Variants in NR3C2 observed in about 807,000 individuals in gnomAD.
NR3C2 encodes the protein nuclear receptor subfamily 3 group C member 2.
NR3C2 carries 15 observed loss-of-function variants against 86.4 expected under a neutral mutation model. That is an observed-to-expected ratio of 0.17 (90% confidence interval 0.12 to 0.27). The LOEUF is 0.27. NR3C2 is among the 10% of genes least tolerant of loss of function. The pLI is 1.00. For synonymous variants in NR3C2, 458 were observed against 450.5 expected, an observed-to-expected ratio of 1.02 and a Z score of -0.21; for missense variants, 960 against 1,195.6, an observed-to-expected ratio of 0.80 and a Z score of 2.91.
intron 8 of NR3C2, among the ~76,000 whole-genome samples, chr4:148,100,283 CAAACAA>C (rs1731477525): frequency 6.6e-6 from 1 of 151,846 alleles, no homozygotes; most frequent in Non-Finnish European, 1.5e-5. Context: ...GAAGTGAAAA[CAAACAA>C]AAACAGAGAA....
Position 148,264,085 on chromosome 4 carries a change from G to A in NR3C2, c.1758-3968C>T, listed in dbSNP as rs139398332. ...ATTTTACAGAAGGTAAATTAATGAG[G>A]CCAAGGTTATCAGTTCAATTCCCAT... On this transcript the variant is annotated intron_variant, in intron 2 of 8. Transcript: ENST00000358102. Among the ~76,000 whole-genome samples the A allele has an allele frequency of 2.0e-5, 3 of 152,230 alleles. No individual in the cohort carries two copies. In the East Asian group the frequency reaches 5.8e-4, roughly 29 times the overall value.
Position 148,200,790 on chromosome 4 carries a change from T to C in NR3C2, c.1898-5928A>G, listed in dbSNP as rs1324841200. Reference sequence around the variant, plus strand: ...GGTAGCTGTTATCGCTGTATTTCTGTGATTATCATTATTACTATTATCATG... The same window carrying C: ...GGTAGCTGTTATCGCTGTATTTCTGCGATTATCATTATTACTATTATCATG... On this transcript the variant is annotated intron_variant, in intron 3 of 8. Transcript: ENST00000358102. 2.0e-5 allele frequency among the ~76,000 whole-genome samples: 3 copies of C among 152,238 alleles called. No homozygotes were observed. The East Asian group carries it at 5.8e-4, about 29-fold the overall frequency.
At chr4:148,136,904 A>G (rs1277464439) in intron 6 of NR3C2, among the ~76,000 whole-genome samples, 2 of 152,168 alleles carry the variant, frequency 1.3e-5, no homozygotes, top group Non-Finnish European at 1.5e-5. Context: ...CAGCTACACT[A>G]TAGAATTCTA....
chr4:148,294,948 T>C (rs1000983874), intron 2 of NR3C2, among the ~76,000 whole-genome samples: 4 of 152,018 alleles, frequency 2.6e-5, no homozygotes, highest in African/African-American at 7.2e-5. Flanking sequence ...GATCACGCCA[T>C]TGCACTCCCA....
intron 2 of NR3C2, among the ~76,000 whole-genome samples, chr4:148,360,903 G>A (rs1258612752): frequency 6.6e-6 from 1 of 152,090 alleles, no homozygotes; most frequent in Non-Finnish European, 1.5e-5. Flanking sequence ...TAAAGTCTGG[G>A]GTTCCACGAT....
chr4:148,109,493 A>T (rs1731954098), intron 8 of NR3C2, among the ~76,000 whole-genome samples: 1 of 152,356 alleles, frequency 6.6e-6, no homozygotes, highest in Admixed American at 6.5e-5. Context: ...AGATCAGTAT[A>T]TAAACATACA....
intron 6 of NR3C2, among the ~76,000 whole-genome samples, chr4:148,144,199 A>G (rs1451716516): frequency 6.6e-6 from 1 of 151,970 alleles, no homozygotes; most frequent in African/African-American, 2.4e-5. Context: ...ATGTCTGGAA[A>G]TGACTTTTTT....
intron 2 of NR3C2, among the ~76,000 whole-genome samples, chr4:148,298,706 C>A (rs1742181744): frequency 1.3e-5 from 2 of 152,218 alleles, no homozygotes; most frequent in African/African-American, 4.8e-5. Flanking sequence ...TTAATTAGCA[C>A]TTGGGCTGAT....
At chr4:148,236,293 T>C (rs1696278919) in intron 3 of NR3C2, among the ~76,000 whole-genome samples, 1 of 152,346 alleles carries the variant, frequency 6.6e-6, no homozygotes, top group Admixed American at 6.5e-5. Flanking sequence ...TATGTTTCTA[T>C]AGGAATTGTT....
At position 148,176,138 on chromosome 4, in the gene NR3C2, G is replaced by A. The variant is rs914419783; in HGVS notation, c.2014+18608C>T. Among the ~76,000 whole-genome samples the A allele has an allele frequency of 4.6e-5, 7 of 152,334 alleles. No individual in the cohort carries two copies. The South Asian group carries it at 1.4e-3, about 32-fold the overall frequency. On this transcript the variant is annotated intron_variant, in intron 4 of 8. Transcript: ENST00000358102. Reference sequence around the variant, plus strand: ...GGAGATGAAAGAAAGTCAGCTGCTAGAAAGAGGTTACCCTACTCTTAGCCT... The same window carrying A: ...GGAGATGAAAGAAAGTCAGCTGCTAAAAAGAGGTTACCCTACTCTTAGCCT...
At chr4:148,381,090 T>C (rs1205112838) in intron 2 of NR3C2, among the ~76,000 whole-genome samples, 2 of 152,056 alleles carry the variant, frequency 1.3e-5, no homozygotes, top group African/African-American at 2.4e-5. Context: ...TAGCCAGGTA[T>C]GGTTGCACAC....
chr4:148,195,150 G>A (rs1215001287), intron 3 of NR3C2, among the ~76,000 whole-genome samples: 2 of 152,114 alleles, frequency 1.3e-5, no homozygotes, highest in African/African-American at 4.8e-5. Flanking sequence ...ATAGGTTCAG[G>A]CAATAGTGCA....
chr4:148,419,095 C>CTTTTTTTTTTTTT (rs33928091), intron 2 of NR3C2, among the ~76,000 whole-genome samples: 1 of 147,668 alleles, frequency 6.8e-6, no homozygotes. Flanking sequence ...GTTGTTTTTC[C>CTTTTTTTTTTTTT]TTTTTTTTTT....
intron 3 of NR3C2, among the ~76,000 whole-genome samples, chr4:148,245,003 C>T (rs887022591): frequency 2.6e-5 from 4 of 151,978 alleles, no homozygotes; most frequent in African/African-American, 9.7e-5. Flanking sequence ...TTTTTTCTCA[C>T]CAGGATTCGA....
At chr4:148,265,160 A>G (rs996876690) in intron 2 of NR3C2, among the ~76,000 whole-genome samples, 1 of 152,224 alleles carries the variant, frequency 6.6e-6, no homozygotes, top group African/African-American at 2.4e-5. Flanking sequence ...TTCCATTTGT[A>G]AAGACAGTAT....
At chr4:148,444,231 T>C, upstream of NR3C2, 2 of 939,004 alleles carry the variant, frequency 2.1e-6, no homozygotes, top group Non-Finnish European at 2.5e-6. Context: ...GACGTGTCTC[T>C]TTTACTAAGT....
chr4:148,260,820 T>C (rs1740060720), intron 2 of NR3C2, among the ~76,000 whole-genome samples: 1 of 152,210 alleles, frequency 6.6e-6, no homozygotes, highest in Admixed American at 6.5e-5. Flanking sequence ...GGGACAAATG[T>C]AACCCTTTAG....
At chr4:148,157,681 C>A (rs528637893) in intron 4 of NR3C2, among the ~76,000 whole-genome samples, 1 of 152,042 alleles carries the variant, frequency 6.6e-6, no homozygotes, top group Non-Finnish European at 1.5e-5. Context: ...GAATTACTTA[C>A]GTTACAAATG....
intron 8 of NR3C2, among the ~76,000 whole-genome samples, chr4:148,097,788 A>T (rs1731358818): frequency 1.6e-5 from 2 of 127,300 alleles, no homozygotes; most frequent in East Asian, 2.2e-4. Context: ...AGCTGTCGCT[A>T]GTGTTAGTGT....
Sources: gnomAD v4.1 joint callset for allele counts (sites outside exome capture counted in the v4.1 genomes callset) on GRCh38, gnomAD v4.1.1 for gene constraint, MANE v1.5 for transcripts, NCBI Gene and HGNC (gene_info 2026-07-23, HGNC 2026-07-21) for gene names.